PIAS4: variants seen among roughly 807,000 people sequenced by gnomAD.
PIAS4 encodes protein inhibitor of activated STAT 4, also known as E3 SUMO-protein ligase PIAS4.
PIAS4 carries 7 observed loss-of-function variants against 58.0 expected under a neutral mutation model. That is an observed-to-expected ratio of 0.12 (90% CI 0.07 to 0.23). The LOEUF is 0.23. Ranked by LOEUF, PIAS4 falls within the 10% of genes least tolerant of loss-of-function variation. PIAS4 has a pLI of 1.00. For synonymous variants in PIAS4, 364 were observed against 312.4 expected (o/e 1.17, Z -1.74); for missense variants, 550 against 709.5 (o/e 0.78, Z 2.55).
chr19:4,037,514 T>C lies in PIAS4; in HGVS notation c.1273+10T>C, dbSNP rs2040312146. 6.2e-7 allele frequency: 1 copy of C among 1,609,462 alleles called. No individual in the cohort carries two copies. Among genetic ancestry groups the C allele is most frequent in the Non-Finnish European group, 8.5e-7 (1 of 1,179,508 alleles). Reference sequence around the variant, plus strand: ...GCCATCCTCGTGCTGGGTGAGTGCCTCACCCCACCAGCCGCGCAGTCCGCA... The same window carrying C: ...GCCATCCTCGTGCTGGGTGAGTGCCCCACCCCACCAGCCGCGCAGTCCGCA... On this transcript the variant is annotated intron_variant, in intron 10 of 10. Transcript: ENST00000262971. This position sits in a 1 kb window ranked among gnomAD's most constrained non-coding sequence, Gnocchi z 5.8.
intron 1 of PIAS4, among the ~76,000 whole-genome samples, chr19:4,008,838 C>T (rs796187587): frequency 2.0e-5 from 3 of 152,200 alleles, no homozygotes; most frequent in African/African-American, 4.8e-5. Context: ...TCTAAGGTCC[C>T]CTCTCTTTCT....
chr19:4,018,457 G>A (rs1013502562), intron 2 of PIAS4: 1 of 152,182 alleles, frequency 6.6e-6, no homozygotes, highest in Admixed American at 6.5e-5. Context: ...CTCTCGGATC[G>A]GGCCCAGGGG....
Position 4,013,055 on chromosome 19 carries a change from C to T in PIAS4, c.160C>T (p.Leu54=), listed in dbSNP as rs1231569822. The change falls in exon 2 of 11, where the codon CTG becomes TTG. Residue 54 remains leucine, a synonymous_variant. Coordinates refer to ENST00000262971, the MANE Select transcript of PIAS4 (RefSeq NM_015897.4). The surrounding 1 kb of genome is among the most constrained non-coding windows in gnomAD (Gnocchi z 5.1). ...QLVQFDCSPE[L]FKKIKELYET... ...GGTGCAGTTTGACTGTAGCCCTGAG[C>T]TGTTCAAGAAGATCAAGGAGCTGTA... 3 of 1,613,442 alleles carry T rather than the reference C, an allele frequency of 1.9e-6. No individual in the cohort carries two copies. In the Admixed American group the frequency reaches 5.0e-5, roughly 27 times the overall value.
At chr19:4,029,659 CA>C (rs1206373834) in intron 7 of PIAS4, among the ~76,000 whole-genome samples, 26 of 146,416 alleles carry the variant, frequency 1.8e-4, no homozygotes, top group Non-Finnish European at 2.0e-4. Context: ...GACTCCACCT[CA>C]AAAAAAAAAG....
chr19:4,039,060 A>G lies in PIAS4; in HGVS notation c.*1185A>G, dbSNP rs2040333919. 1 of 152,284 alleles carries G rather than the reference A, an allele frequency of 6.6e-6. No homozygotes were observed. Among genetic ancestry groups the G allele is most frequent in the Non-Finnish European group, 1.5e-5 (1 of 68,084 alleles). The allele number at this position is 152,284 out of a possible 1,614,324, so 9.4% of individuals were successfully genotyped here. The stretch of plus-strand genomic sequence containing the variant: ...CAGCTGGGCACCCCCCTTGCCCCGC[A>G]GGAGACCGGGGCGCAGGCGGGGCAC... On this transcript the variant is annotated 3_prime_UTR_variant, in exon 11 of 11. Coordinates refer to ENST00000262971, the MANE Select transcript of PIAS4 (RefSeq NM_015897.4).
At position 4,038,154 on chromosome 19, in the gene PIAS4, G is replaced by C. The variant is rs1044656297; in HGVS notation, c.*279G>C. 2 of 396,796 alleles carry C rather than the reference G, an allele frequency of 5.0e-6. No individual in the cohort carries two copies. Among genetic ancestry groups the C allele is most frequent in the African/African-American group, 4.3e-5 (2 of 46,110 alleles). 24.6% of individuals were successfully genotyped at this position (396,796 alleles called of 1,614,324 possible). A position where few individuals can be genotyped will look rare whatever the true frequency, so the allele number is the denominator to read the frequency against. ...CGGCCACCCACACAGCCGCCTCCCCGGCTGGAGTCCGAGCCGGGAAGGGGT... is the reference window on the plus strand; with the variant it reads ...CGGCCACCCACACAGCCGCCTCCCCCGCTGGAGTCCGAGCCGGGAAGGGGT... On this transcript the variant is annotated 3_prime_UTR_variant, in exon 11 of 11. Transcript: ENST00000262971. The surrounding 1 kb of genome is among the most constrained non-coding windows in gnomAD (Gnocchi z 4.1).
rs1041596559 is a variant in PIAS4 at position 4,023,895 on chromosome 19, C to T, written c.455-141C>T. 7 of 659,508 alleles carry T rather than the reference C, an allele frequency of 1.1e-5. No individual in the cohort carries two copies. The African/African-American group carries it at 1.1e-4, about 10-fold the overall frequency. The allele number at this position is 659,508 out of a possible 1,614,324, so 40.9% of individuals were successfully genotyped here. On this transcript the variant is annotated intron_variant, in intron 2 of 10. Coordinates refer to ENST00000262971, the MANE Select transcript of PIAS4 (RefSeq NM_015897.4). ...CCTCATCCTCCTTCCTGGGCGGCCC[C>T]CACCTCTGCCCCACATATCTGTCCA...
rs200833657 is a variant in PIAS4, at chr19:4,022,977, GC to G, written c.455-1057del. Among the ~76,000 whole-genome samples the G allele has an allele frequency of 6.2e-3, 945 of 151,846 alleles. 14 individuals carry two copies. The highest frequency in any genetic ancestry group is 0.022 in the African/African-American group (903 of 41,422). ...ACCTGAGGTCGGGAGTTCGAGAGCA[GC>G]CTGGCCAACATGGAGAAACCCTACC... On this transcript the variant is annotated intron_variant, in intron 2 of 10. Coordinates refer to ENST00000262971, the MANE Select transcript of PIAS4 (RefSeq NM_015897.4).
chr19:4,021,471 GT>G (rs141202563), intron 2 of PIAS4, among the ~76,000 whole-genome samples: 11,272 of 152,076 alleles, frequency 0.074, 587 homozygotes, highest in South Asian at 0.18. Flanking sequence ...ATTTAAACCG[GT>G]CTTGGATTTC....
Position 4,027,359 on chromosome 19 carries a change from G to A in PIAS4, c.540-787G>A, listed in dbSNP as rs139723409. The stretch of plus-strand genomic sequence containing the variant: ...TGCACCTGTGCTGAGGCCTGGGTCT[G>A]AGCCTGGCTCCTTTCCATGGCTGGG... On this transcript the variant is annotated intron_variant, in intron 3 of 10. Coordinates refer to ENST00000262971, the MANE Select transcript of PIAS4 (RefSeq NM_015897.4). Among the ~76,000 whole-genome samples the A allele has an allele frequency of 6.8e-3, 1,035 of 152,314 alleles. 2 individuals are homozygous for A. The highest frequency in any genetic ancestry group is 8.4e-3 in the Non-Finnish European group (570 of 68,028).
intron 5 of PIAS4, 31 bp downstream of exon 5, chr19:4,028,631 A>G (rs2040192270): frequency 6.2e-6 from 10 of 1,610,630 alleles, no homozygotes; most frequent in Non-Finnish European, 8.5e-6. Flanking sequence ...CGTCGGCTGC[A>G]CGGGTTTGGG....
At chr19:4,025,942 C>T (rs1350432183) in intron 3 of PIAS4, among the ~76,000 whole-genome samples, 2 of 151,262 alleles carry the variant, frequency 1.3e-5, no homozygotes, top group African/African-American at 4.9e-5. Flanking sequence ...GGTGTGGTGA[C>T]GGGCGCCTGT....
At chr19:4,036,609 T>TAC in intron 9 of PIAS4, among the ~76,000 whole-genome samples, 1 of 134,516 alleles carries the variant, frequency 7.4e-6, no homozygotes, top group Non-Finnish European at 1.5e-5. Flanking sequence ...CACACATCTA[T>TAC]ACAGTCCACA....
rs917758960 is a variant in PIAS4 at position 4,038,235 on chromosome 19, C to T, written c.*360C>T. ...GCGCCCTCCCCTCCGGATGCCCCGCCGCCCGCCGCCCTCTGCCCACGACCA... is the reference window on the plus strand; with the variant it reads ...GCGCCCTCCCCTCCGGATGCCCCGCTGCCCGCCGCCCTCTGCCCACGACCA... On this transcript the variant is annotated 3_prime_UTR_variant, in exon 11 of 11. Coordinates refer to ENST00000262971, the MANE Select transcript of PIAS4 (RefSeq NM_015897.4). The surrounding 1 kb of genome is among the most constrained non-coding windows in gnomAD (Gnocchi z 4.1). The T allele has an allele frequency of 3.4e-5, 8 of 235,290 alleles. No individual in the cohort carries two copies. Among genetic ancestry groups the T allele is most frequent in the South Asian group, 2.1e-4 (4 of 18,896 alleles). The allele number at this position is 235,290 out of a possible 1,614,324, so 14.6% of individuals were successfully genotyped here. A position where few individuals can be genotyped will look rare whatever the true frequency, so the allele number is the denominator to read the frequency against.
chr19:4,034,793 G>A (rs2040258587), intron 9 of PIAS4, among the ~76,000 whole-genome samples: 1 of 152,192 alleles, frequency 6.6e-6, no homozygotes. Context: ...CAGCCCATGG[G>A]ACTCGGTGTA....
chr19:4,035,234 T>A (rs2144942242), intron 9 of PIAS4, among the ~76,000 whole-genome samples: 1 of 152,158 alleles, frequency 6.6e-6, no homozygotes, highest in Non-Finnish European at 1.5e-5. Flanking sequence ...TCCTGTGTGA[T>A]GAGAACGATG....
Position 4,028,173 on chromosome 19 carries a change from G to A in PIAS4, c.567G>A (p.Val189=). ...AACTGCAGCCCGGAGTTAAAGCCGT[G>A]CAGGTCGTCCTGAGGTATGCCCAGG... ...SRELQPGVKA[V]QVVLRICYSD... Residue 189 remains valine, a synonymous_variant, in exon 4 of 11, where the codon GTG becomes GTA. Coordinates refer to ENST00000262971, the MANE Select transcript of PIAS4 (RefSeq NM_015897.4). 6.2e-7 allele frequency: 1 copy of A among 1,612,814 alleles called. No homozygotes were observed. The highest frequency in any genetic ancestry group is 8.5e-7 in the Non-Finnish European group (1 of 1,179,922).
chr19:4,014,650 C>T (rs1454705185), intron 2 of PIAS4, among the ~76,000 whole-genome samples: 1 of 152,224 alleles, frequency 6.6e-6, no homozygotes, highest in South Asian at 2.1e-4. Flanking sequence ...CAGCAGGGAA[C>T]AGGACCAAGG....
rs1316525857 is a variant in PIAS4, at chr19:4,037,336, A to C, written c.1143-38A>C. The C allele has an allele frequency of 3.2e-6, 5 of 1,572,880 alleles. No individual in the cohort carries two copies. The highest frequency in any genetic ancestry group is 4.3e-6 in the Non-Finnish European group (5 of 1,157,552). ...GGCTGGGGAGTTGGGGGGGTGGGGC[A>C]CCTCCAGCCCCGGCGTCAGCTGTCC... On this transcript the variant is annotated intron_variant, in intron 9 of 10. Coordinates refer to ENST00000262971, the MANE Select transcript of PIAS4 (RefSeq NM_015897.4). The surrounding 1 kb of genome is among the most constrained non-coding windows in gnomAD (Gnocchi z 5.8).
Sources: allele counts gnomAD v4.1 joint callset (sites outside exome capture counted in the v4.1 genomes callset), GRCh38; gene constraint gnomAD v4.1.1; non-coding constraint Gnocchi (gnomAD v3.1); transcripts MANE v1.5; gene names NCBI Gene and HGNC (gene_info 2026-07-23, HGNC 2026-07-21).